The following FARSB variants were observed in gnomAD, a reference collection of about 807,000 sequenced individuals.
FARSB encodes the protein phenylalanine--tRNA ligase beta subunit.
FARSB carries 40 observed loss-of-function variants against 69.6 expected under a neutral mutation model. The ratio of observed to expected loss-of-function variants is 0.57; its 90% confidence interval spans 0.45 to 0.75. FARSB has a LOEUF of 0.75. FARSB is among the 30% of genes least tolerant of loss of function. The pLI is 0.00. For missense variants in FARSB, 632 were observed against 722.9 expected (o/e 0.87, Z 1.44); for synonymous variants, 235 against 247.2 (o/e 0.95, Z 0.46).
chr2:222,606,615 A>G (rs1690710348), intron 15 of FARSB, among the ~76,000 whole-genome samples: 1 of 152,238 alleles, frequency 6.6e-6, no homozygotes. Context: ...GCTAGCTACA[A>G]TTCTATAAGA....
At chr2:222,637,147 C>T (rs947474899) in intron 5 of FARSB, among the ~76,000 whole-genome samples, 1 of 152,122 alleles carries the variant, frequency 6.6e-6, no homozygotes, top group Non-Finnish European at 1.5e-5. Context: ...GAATAACACA[C>T]TAGATTTACT....
At chr2:222,636,280 G>A (rs1332516865) in intron 5 of FARSB, among the ~76,000 whole-genome samples, 3 of 150,362 alleles carry the variant, frequency 2.0e-5, no homozygotes, top group South Asian at 2.1e-4. Flanking sequence ...GTTGGCGGGC[G>A]CCTGTAGTCC....
intron 10 of FARSB, 96 bp from the exon 11 acceptor site, chr2:222,624,871 C>A: frequency 1.4e-6 from 1 of 696,046 alleles, no homozygotes; most frequent in Non-Finnish European, 2.4e-6. Flanking sequence ...ATTACGTTCC[C>A]AAGAAATTGT....
chr2:222,620,784 G>A (rs746670141), intron 13 of FARSB, among the ~76,000 whole-genome samples: 3 of 152,166 alleles, frequency 2.0e-5, no homozygotes, highest in Non-Finnish European at 1.5e-5. Flanking sequence ...TCATTATGCT[G>A]TTCTACAACT....
intron 15 of FARSB, among the ~76,000 whole-genome samples, chr2:222,610,352 A>T (rs1278951137): frequency 1.3e-5 from 2 of 152,222 alleles, no homozygotes; most frequent in African/African-American, 4.8e-5. Flanking sequence ...CCAACAGAGA[A>T]AAATGGTTAC....
At chr2:222,654,089 C>T (rs780053712) in intron 1 of FARSB, among the ~76,000 whole-genome samples, 14 of 151,990 alleles carry the variant, frequency 9.2e-5, no homozygotes, top group Non-Finnish European at 1.5e-4. Flanking sequence ...TATTTCTTAC[C>T]TCCCTAGAAA....
At chr2:222,617,768 A>G (rs1287566321) in intron 14 of FARSB, among the ~76,000 whole-genome samples, 1 of 152,202 alleles carries the variant, frequency 6.6e-6, no homozygotes, top group Non-Finnish European at 1.5e-5. Context: ...CTGTAATCCC[A>G]GCTACTCGGG....
rs182444303 is a variant in FARSB, at chr2:222,597,794, T to A, written c.1618+2134A>T. ...CTAAAATCCCTTCCCACCATTCTCTTCACCTCTGCTCTCCATCCCACCCAA... is the reference window on the plus strand; with the variant it reads ...CTAAAATCCCTTCCCACCATTCTCTACACCTCTGCTCTCCATCCCACCCAA... On this transcript the variant is annotated intron_variant, in intron 16 of 16. Transcript: ENST00000281828. Among the ~76,000 whole-genome samples, 100 of 152,276 alleles carry A rather than the reference T, an allele frequency of 6.6e-4. 1 individual carries two copies. The East Asian group carries it at 0.015, about 23-fold the overall frequency.
chr2:222,581,883 C>T (rs755323654), intron 16 of FARSB, among the ~76,000 whole-genome samples: 1 of 152,170 alleles, frequency 6.6e-6, no homozygotes, highest in Non-Finnish European at 1.5e-5. Context: ...AGTGAGACAC[C>T]ATTTCCCATC....
chr2:222,634,582 A>C (rs1691528725), intron 5 of FARSB, 41 bp from the exon 6 acceptor site: 4 of 1,518,220 alleles, frequency 2.6e-6, no homozygotes, highest in Non-Finnish European at 3.6e-6. Context: ...GGAGGAAAGG[A>C]AAGGAGGAGA....
chr2:222,609,025 A>G (rs774981390), intron 15 of FARSB, among the ~76,000 whole-genome samples: 1 of 152,124 alleles, frequency 6.6e-6, no homozygotes, highest in Non-Finnish European at 1.5e-5. Context: ...AATCTAAATC[A>G]CCCTCTTACA....
chr2:222,594,093 C>CAAA (rs33937937), intron 16 of FARSB, among the ~76,000 whole-genome samples: 698 of 51,568 alleles, frequency 0.014, 152 homozygotes, highest in African/African-American at 0.054. Context: ...CCCGCCTCTA[C>CAAA]AAAAAAAAAA....
intron 3 of FARSB, among the ~76,000 whole-genome samples, chr2:222,641,354 G>T (rs1691714230): frequency 6.6e-6 from 1 of 152,180 alleles, no homozygotes. Flanking sequence ...GTTCCATCTG[G>T]CCCTACTGAA....
chr2:222,613,692 G>A (rs1209524360), intron 15 of FARSB, 119 bp downstream of exon 15: 1 of 610,106 alleles, frequency 1.6e-6, no homozygotes, highest in South Asian at 2.0e-5. Flanking sequence ...TTGAAGGTGG[G>A]TGCTGGGTAC....
chr2:222,581,096 T>C (rs974176828), intron 16 of FARSB, among the ~76,000 whole-genome samples: 1 of 152,188 alleles, frequency 6.6e-6, no homozygotes, highest in South Asian at 2.1e-4. Context: ...ACAGCATTCA[T>C]TTCTCAAAAA....
chr2:222,603,295 G>A (rs1429189025), intron 15 of FARSB, among the ~76,000 whole-genome samples: 2 of 152,122 alleles, frequency 1.3e-5, no homozygotes, highest in Non-Finnish European at 2.9e-5. Context: ...TACTCCCATA[G>A]GTAAAAGCTA....
intron 2 of FARSB, among the ~76,000 whole-genome samples, chr2:222,644,238 C>G (rs567710461): frequency 1.3e-5 from 2 of 152,132 alleles, no homozygotes; most frequent in East Asian, 3.9e-4. Flanking sequence ...GTGCCAAAGT[C>G]CCACCTGAGG....
At chr2:222,624,969 C>T (rs1275381601) in intron 10 of FARSB, among the ~76,000 whole-genome samples, 194 bp from the exon 11 acceptor site, 1 of 152,184 alleles carries the variant, frequency 6.6e-6, no homozygotes, top group African/African-American at 2.4e-5. Context: ...CATATATGAA[C>T]ATTCTACTTG....
chr2:222,620,569 T>C (rs1691110983), intron 13 of FARSB, among the ~76,000 whole-genome samples: 1 of 152,216 alleles, frequency 6.6e-6, no homozygotes, highest in African/African-American at 2.4e-5. Flanking sequence ...ATAAATGATA[T>C]AATGAGATAA....
Sources: allele counts gnomAD v4.1 joint callset (sites outside exome capture counted in the v4.1 genomes callset), GRCh38; gene constraint gnomAD v4.1.1; transcripts MANE v1.5; gene names NCBI Gene and HGNC (gene_info 2026-07-23, HGNC 2026-07-21).